EDA: variants seen among roughly 807,000 people sequenced by gnomAD.
EDA encodes ectodysplasin-A.
A neutral mutation model predicts 23.6 loss-of-function variants in EDA; 2 were observed. The observed-to-expected ratio is 0.08, with a 90% CI of 0.03 to 0.27. The LOEUF (loss-of-function observed/expected upper bound fraction) is 0.27, where lower values mean the gene tolerates loss of function less well. Among genes scored for constraint, EDA ranks in the 10% least tolerant of loss-of-function variants. The pLI, the probability that EDA is intolerant of heterozygous loss-of-function variation, is 1.00. For missense variants in EDA, 229 were observed against 324.2 expected (o/e 0.71, Z 2.26); for synonymous variants, 131 against 132.0 (o/e 0.99, Z 0.05).
rs146140300 is a variant in EDA at position 69,748,617 on chromosome X, G to C, written c.396+131913G>C. Among the ~76,000 whole-genome samples the C allele has an allele frequency of 5.7e-3, 640 of 111,588 alleles. 5 individuals carry two copies. Among genetic ancestry groups the C allele is most frequent in the Non-Finnish European group, 8.1e-3 (431 of 53,108 alleles). Reference sequence around the variant, plus strand: ...ATAATCAATACACCAACTGTGACTTGTCTCCTTTAGGAAGATGGCATAGCA... The same window carrying C: ...ATAATCAATACACCAACTGTGACTTCTCTCCTTTAGGAAGATGGCATAGCA... On this transcript the variant is annotated intron_variant, in intron 1 of 7. Coordinates refer to ENST00000374552, the MANE Select transcript of EDA (RefSeq NM_001399.5).
chrX:69,854,149 C>T (rs73226427), intron 1 of EDA, among the ~76,000 whole-genome samples: 3,251 of 110,388 alleles, frequency 0.029, 59 homozygotes, highest in Middle Eastern at 0.064. Flanking sequence ...TTTCCCTTCT[C>T]CCACCCTCCA....
intron 1 of EDA, among the ~76,000 whole-genome samples, chrX:69,827,552 A>G (rs1418353320): frequency 1.8e-5 from 2 of 111,684 alleles, no homozygotes; most frequent in African/African-American, 6.5e-5. Context: ...CAGCTCCATC[A>G]ACTCCTTTAA....
chrX:69,783,765 T>A (rs2015041501), intron 1 of EDA, among the ~76,000 whole-genome samples: 1 of 110,593 alleles, frequency 9.0e-6, no homozygotes, highest in African/African-American at 3.3e-5. Context: ...TGTGCATGTG[T>A]CTTTATAGCA....
intron 1 of EDA, among the ~76,000 whole-genome samples, chrX:69,737,284 T>C (rs1233707491): frequency 8.9e-6 from 1 of 112,291 alleles, no homozygotes; most frequent in Non-Finnish European, 1.9e-5. Flanking sequence ...TTGCTACTTG[T>C]ATTCTATTTG....
At chrX:70,009,546 G>T (rs1279223663) in intron 2 of EDA, among the ~76,000 whole-genome samples, 2 of 107,917 alleles carry the variant, frequency 1.9e-5, no homozygotes, top group Non-Finnish European at 3.8e-5. Context: ...TAGAAGGGTG[G>T]ATTTGTTTGT....
At chrX:69,841,153 ATTATC>A (rs1467322461) in intron 1 of EDA, among the ~76,000 whole-genome samples, 1 of 112,296 alleles carries the variant, frequency 8.9e-6, no homozygotes, top group Non-Finnish European at 1.9e-5. Context: ...ACATGTTTGT[ATTATC>A]TTCATAATAA....
At chrX:69,948,171 T>C (rs1028814260) in intron 1 of EDA, among the ~76,000 whole-genome samples, 1 of 112,410 alleles carries the variant, frequency 8.9e-6, no homozygotes, top group South Asian at 3.7e-4. Context: ...AAGCCAGAGA[T>C]TGAACTGGTC....
At chrX:69,638,520 A>G (rs191224123) in intron 1 of EDA, among the ~76,000 whole-genome samples, 2 of 112,154 alleles carry the variant, frequency 1.8e-5, no homozygotes, top group East Asian at 5.6e-4. Flanking sequence ...GTCTTCAGTA[A>G]TGCATTTGGG....
chrX:69,771,203 G>A (rs1390226672), intron 1 of EDA, among the ~76,000 whole-genome samples: 1 of 110,144 alleles, frequency 9.1e-6, no homozygotes, highest in African/African-American at 3.3e-5. Context: ...GACTACAGGT[G>A]TGCACCACCA....
intron 1 of EDA, among the ~76,000 whole-genome samples, chrX:69,751,699 C>T (rs1374742022): frequency 8.1e-5 from 9 of 111,649 alleles, no homozygotes; most frequent in Non-Finnish European, 1.7e-4. Flanking sequence ...TCTTTTATTT[C>T]GTTAAGCAGT....
chrX:69,824,757 G>A (rs1312460749), intron 1 of EDA, among the ~76,000 whole-genome samples: 3 of 77,972 alleles, frequency 3.8e-5, no homozygotes, highest in Non-Finnish European at 7.1e-5. Context: ...TGGTGAGAGA[G>A]GGCATCCCTG....
intron 1 of EDA, among the ~76,000 whole-genome samples, chrX:69,685,662 A>C (rs186003384): frequency 6.2e-5 from 7 of 112,228 alleles, no homozygotes; most frequent in Non-Finnish European, 1.9e-5. Flanking sequence ...ATAGGTTTCT[A>C]GTCCCCCACA....
At chrX:69,993,797 C>G (rs985826015) in intron 2 of EDA, among the ~76,000 whole-genome samples, 7 of 112,140 alleles carry the variant, frequency 6.2e-5, no homozygotes, top group African/African-American at 2.3e-4. Context: ...CCTGCTTCCT[C>G]TCTCATCCTC....
chrX:69,798,346 A>G (rs925473177), intron 1 of EDA, among the ~76,000 whole-genome samples: 5 of 112,034 alleles, frequency 4.5e-5, no homozygotes, highest in Non-Finnish European at 7.5e-5. Flanking sequence ...CAGTTTATCT[A>G]ACACCTACAG....
chrX:69,933,058 A>ATC (rs929978227), intron 1 of EDA, among the ~76,000 whole-genome samples: 3 of 110,346 alleles, frequency 2.7e-5, no homozygotes, highest in African/African-American at 9.9e-5. Context: ...AGTTCCCTTT[A>ATC]TCTCTCTCCC....
intron 2 of EDA, among the ~76,000 whole-genome samples, chrX:69,979,974 A>G (rs1346914909): frequency 9.0e-6 from 1 of 110,802 alleles, no homozygotes; most frequent in Non-Finnish European, 1.9e-5. Context: ...TGTTTCTATT[A>G]TAACTTAGAA....
rs867182161 is a variant in EDA at position 69,616,890 on chromosome X, A to C, written c.396+186A>C. 27 of 569,823 alleles carry C rather than the reference A, an allele frequency of 4.7e-5. No homozygotes were observed. The African/African-American group carries it at 5.8e-4, about 12-fold the overall frequency. The allele number at this position is 569,823 out of a possible 1,213,427, so 47.0% of individuals were successfully genotyped here. ...TTGTCTTCGGTCCCTGGCCCAGCTA[A>C]TCCAGACTCCCTGGGGACCCCTTGA... On this transcript the variant is annotated intron_variant, in intron 1 of 7. Coordinates refer to ENST00000374552, the MANE Select transcript of EDA (RefSeq NM_001399.5).
At chrX:70,007,051 A>C (rs2019811679) in intron 2 of EDA, among the ~76,000 whole-genome samples, 1 of 111,693 alleles carries the variant, frequency 9.0e-6, no homozygotes, top group Admixed American at 9.5e-5. Context: ...CTTTGTCAAA[A>C]ATTTATTGAC....
At chrX:69,855,581 C>G (rs968685661) in intron 1 of EDA, among the ~76,000 whole-genome samples, 3 of 111,403 alleles carry the variant, frequency 2.7e-5, no homozygotes, top group African/African-American at 9.8e-5. Flanking sequence ...AGTCTTTTTT[C>G]CATTGCTTAT....
Sources: gnomAD v4.1 joint callset for allele counts (sites outside exome capture counted in the v4.1 genomes callset) on GRCh38, gnomAD v4.1.1 for gene constraint, MANE v1.5 for transcripts, NCBI Gene and HGNC (gene_info 2026-07-23, HGNC 2026-07-21) for gene names.